The following SKIL variants were observed in gnomAD, a reference collection of about 807,000 sequenced individuals.
SKIL encodes the protein SKI like proto-oncogene, also known as ski-like protein.
SKIL carries 20 observed loss-of-function variants against 69.6 expected under a neutral mutation model. The observed-to-expected ratio is 0.29, with a 90% CI of 0.20 to 0.42. The LOEUF (loss-of-function observed/expected upper bound fraction) is 0.42, where lower values mean the gene tolerates loss of function less well. Among genes scored for constraint, SKIL ranks in the 10% least tolerant of loss-of-function variants. SKIL has a pLI of 1.00. For synonymous variants in SKIL, 310 were observed against 279.9 expected (o/e 1.11, Z -1.08); for missense variants, 745 against 783.1 (o/e 0.95, Z 0.58).
intron 4 of SKIL, 142 bp downstream of exon 4, chr3:170,384,907 T>A (rs1158622373): frequency 3.6e-6 from 2 of 559,436 alleles, no homozygotes; most frequent in African/African-American, 1.9e-5. Flanking sequence ...TTCAAAACTC[T>A]GGGTGATTTA....
At chr3:170,381,387 C>G (rs1380113479) in intron 3 of SKIL, 46 bp downstream of exon 3, 1 of 898,076 alleles carries the variant, frequency 1.1e-6, no homozygotes, top group East Asian at 2.4e-5. Context: ...TTTCTTCATT[C>G]AACAACTATA....
At chr3:170,370,224 G>C (rs13073675) in intron 2 of SKIL, among the ~76,000 whole-genome samples, 11,759 of 152,148 alleles carry the variant, frequency 0.077, 616 homozygotes, top group South Asian at 0.15. Context: ...GGGAGACAGA[G>C]TGAGACTCCG....
rs140141944 is a variant in SKIL at position 170,384,716 on chromosome 3, A to C, written c.1380A>C (p.Glu460Asp). The C allele has an allele frequency of 6.2e-6, 10 of 1,610,786 alleles. No individual in the cohort carries two copies. The highest frequency in any genetic ancestry group is 8.5e-6 in the Non-Finnish European group (10 of 1,177,622). ...CTTATCCAGATGTCTCACTTGAGGA[A>C]CAGGAGAAAATGGATTTAAAAACAA... ...TVSYPDVSLE[E>D]QEKMDLKTSR... is the part of the protein sequence containing the mutation. Residue 460 changes from glutamate to aspartate, a missense_variant, in exon 4 of 7, where the codon GAA becomes GAC. Transcript: ENST00000259119.
chr3:170,386,493 T>C (rs1343876516), intron 4 of SKIL, among the ~76,000 whole-genome samples: 1 of 152,002 alleles, frequency 6.6e-6, no homozygotes, highest in Non-Finnish European at 1.5e-5. Context: ...AGAGACAGAG[T>C]CTCACTCTGT....
chr3:170,389,182 A>G (rs991510355), intron 4 of SKIL, among the ~76,000 whole-genome samples: 1 of 151,118 alleles, frequency 6.6e-6, no homozygotes, highest in Non-Finnish European at 1.5e-5. Flanking sequence ...CAAGAAATTT[A>G]TGTTTAAGGG....
Position 170,391,094 on chromosome 3 carries a change from A to C in SKIL, c.1730A>C (p.Asn577Thr). The C allele has an allele frequency of 6.2e-7, 1 of 1,610,944 alleles. No individual in the cohort carries two copies. The change falls in exon 6 of 7, where the codon AAT becomes ACT. Residue 577 changes from asparagine (N) to threonine (T), a missense_variant. Transcript: ENST00000259119. ...AAGGAACTCACTGAAGAACAGCAGA[A>C]TTTACAGAAAGAGCTTGAATCTTTG... The part of the protein sequence containing the change: ...SMKELTEEQQ[N>T]LQKELESLQN...
chr3:170,364,631 T>C (rs1736415229), intron 2 of SKIL, among the ~76,000 whole-genome samples: 1 of 152,300 alleles, frequency 6.6e-6, no homozygotes, highest in East Asian at 1.9e-4. Context: ...CGCCCCAGTC[T>C]AATTATTAGT....
intron 3 of SKIL, among the ~76,000 whole-genome samples, chr3:170,382,985 G>T (rs1424110494): frequency 6.6e-6 from 1 of 152,138 alleles, no homozygotes; most frequent in African/African-American, 2.4e-5. Flanking sequence ...CTCCCAAAGT[G>T]CTGGGATTAC....
At chr3:170,390,530 A>G in intron 5 of SKIL, 66 bp downstream of exon 5, 4 of 1,321,402 alleles carry the variant, frequency 3.0e-6, no homozygotes, top group Non-Finnish European at 3.2e-6. Flanking sequence ...TCTGTCGCCC[A>G]GGCTGGAGTG....
chr3:170,380,492 A>C (rs932630778), intron 2 of SKIL, among the ~76,000 whole-genome samples: 2 of 151,974 alleles, frequency 1.3e-5, no homozygotes, highest in Non-Finnish European at 2.9e-5. Context: ...AGAATACAAA[A>C]AATTAGCTGG....
At position 170,378,553 on chromosome 3, in the gene SKIL, CTTTT is replaced by C. The variant is rs373084445; in HGVS notation, c.1099-2679_1099-2676del. 5.0e-5 allele frequency among the ~76,000 whole-genome samples: 6 copies of C among 119,010 alleles called. 1 individual carries two copies. Among genetic ancestry groups the C allele is most frequent in the Non-Finnish European group, 1.0e-4 (6 of 59,876 alleles). 78.1% of individuals were successfully genotyped at this position (119,010 alleles called of 152,430 possible). ...TGGGAATTGGACTCTCTCTCTCTCT[CTTTT>C]TTTTTTTTTTTGGAGACAAAGTCTT... is the stretch of plus-strand genomic sequence containing the variant. On this transcript the variant is annotated intron_variant, in intron 2 of 6. Coordinates refer to ENST00000259119, the MANE Select transcript of SKIL (RefSeq NM_005414.5).
In SKIL at chr3:170,381,318, G is replaced by C; in HGVS notation, c.1173G>C (p.Gln391His). The C allele has an allele frequency of 1.3e-6, 2 of 1,583,062 alleles. No individual in the cohort carries two copies. The highest frequency in any genetic ancestry group is 1.7e-6 in the Non-Finnish European group (2 of 1,151,804). Reference protein sequence around the residue: ...VIKQEGDHVSQTHSFLHPSYY... With the variant: ...VIKQEGDHVSHTHSFLHPSYY... ...AGCAGGAAGGTGACCATGTTTCTCA[G>C]ACACATTCATTTTTACACCCCAGGT... Residue 391 changes from glutamine (Q) to histidine (H), a missense_variant, in exon 3 of 7, where the codon CAG becomes CAC. Transcript: ENST00000259119.
At position 170,359,987 on chromosome 3, in the gene SKIL, T is replaced by G. The variant is rs76397532; in HGVS notation, c.-345T>G. The G allele has an allele frequency of 0.018, 3,286 of 181,298 alleles. 67 individuals carry two copies. The highest frequency in any genetic ancestry group is 0.088 in the East Asian group (588 of 6,702). 11.2% of individuals were successfully genotyped at this position (181,298 alleles called of 1,614,324 possible). On this transcript the variant is annotated 5_prime_UTR_variant, in exon 2 of 7. Coordinates refer to ENST00000259119, the MANE Select transcript of SKIL (RefSeq NM_005414.5). ...GTTTTGGTTAAAACAAACCAGACCA[T>G]TGCATTGACCCTGGACATCTTTAAT...
At chr3:170,375,344 G>C (rs1183053955) in intron 2 of SKIL, among the ~76,000 whole-genome samples, 1 of 152,160 alleles carries the variant, frequency 6.6e-6, no homozygotes, top group Non-Finnish European at 1.5e-5. Context: ...GAAGTTTAGA[G>C]ACACAGAAAT....
Position 170,390,452 on chromosome 3 carries a change from A to G in SKIL, c.1659A>G (p.Gln553=). The G allele has an allele frequency of 1.2e-6, 2 of 1,609,200 alleles. No individual in the cohort carries two copies. Among genetic ancestry groups the G allele is most frequent in the Non-Finnish European group, 1.7e-6 (2 of 1,175,748 alleles). Residue 553 remains glutamine, a synonymous_variant, in exon 5 of 7, where the codon CAA becomes CAG. Transcript: ENST00000259119. Reference sequence around the variant, plus strand: ...TAAACTTGATTTTGCAAAAGAAGCAACAACTTCAGATGGTAAAATTGTTAT... The same window carrying G: ...TAAACTTGATTTTGCAAAAGAAGCAGCAACTTCAGATGGTAAAATTGTTAT... ...EKLNLILQKK[Q]QLQMEVKMLS...
intron 6 of SKIL, among the ~76,000 whole-genome samples, chr3:170,391,642 ATTAC>A (rs1464439496): frequency 6.6e-6 from 1 of 152,146 alleles, no homozygotes; most frequent in East Asian, 1.9e-4. Context: ...TAATAAAGGA[ATTAC>A]TTTTTGTCAA....
At chr3:170,383,461 T>A (rs1403471803) in intron 3 of SKIL, among the ~76,000 whole-genome samples, 5 of 152,228 alleles carry the variant, frequency 3.3e-5, no homozygotes, top group Non-Finnish European at 7.3e-5. Context: ...TTTTGCTAAG[T>A]GTTACTCAGA....
Position 170,392,500 on chromosome 3 carries a change from A to C in SKIL, c.*83A>C. ...TGCTTTGGTAATTGAATTCTGAAGA[A>C]TTTATCTGCATGACGATAACTAGGC... On this transcript the variant is annotated 3_prime_UTR_variant, in exon 7 of 7. Coordinates refer to ENST00000259119, the MANE Select transcript of SKIL (RefSeq NM_005414.5). 1 of 799,170 alleles carries C rather than the reference A, an allele frequency of 1.3e-6. No homozygotes were observed. Among genetic ancestry groups the C allele is most frequent in the Non-Finnish European group, 1.9e-6 (1 of 516,732 alleles). The allele number at this position is 799,170 out of a possible 1,614,324, so 49.5% of individuals were successfully genotyped here.
In SKIL at chr3:170,390,612, G is replaced by T. The variant is rs776090789; in HGVS notation, c.1671+148G>T. The T allele has an allele frequency of 4.6e-6, 3 of 652,844 alleles. No individual in the cohort carries two copies. In the East Asian group the frequency reaches 8.3e-5, roughly 18 times the overall value. 40.4% of individuals were successfully genotyped at this position (652,844 alleles called of 1,614,324 possible). A position where few individuals can be genotyped will look rare whatever the true frequency, so the allele number is the denominator to read the frequency against. Reference sequence around the variant, plus strand: ...AGCAATTCTTCTGCCTTAGCCTTCCGAGTAGCTAGCATTACAGGCACGTGC... The same window carrying T: ...AGCAATTCTTCTGCCTTAGCCTTCCTAGTAGCTAGCATTACAGGCACGTGC... On this transcript the variant is annotated intron_variant, in intron 5 of 6. Coordinates refer to ENST00000259119, the MANE Select transcript of SKIL (RefSeq NM_005414.5).
Sources: gnomAD v4.1 joint callset for allele counts (sites outside exome capture counted in the v4.1 genomes callset) on GRCh38, gnomAD v4.1.1 for gene constraint, MANE v1.5 for transcripts, NCBI Gene and HGNC (gene_info 2026-07-23, HGNC 2026-07-21) for gene names.